The following KDM2A variants were observed in gnomAD, a reference collection of about 807,000 sequenced individuals.
KDM2A encodes lysine demethylase 2A.
KDM2A carries 3 observed loss-of-function variants against 137.3 expected under a neutral mutation model. That is an observed-to-expected ratio of 0.02 (90% confidence interval 0.01 to 0.06). The LOEUF is 0.06. Among genes scored for constraint, KDM2A ranks in the 10% least tolerant of loss-of-function variants. The pLI, the probability that KDM2A is intolerant of heterozygous loss-of-function variation, is 1.00. For missense variants in KDM2A, 738 were observed against 1,510.6 expected (o/e 0.49, Z 8.48); for synonymous variants, 512 against 541.5 (o/e 0.95, Z 0.76).
At chr11:67,191,806 A>G (rs193006154) in intron 5 of KDM2A, among the ~76,000 whole-genome samples, 2 of 152,332 alleles carry the variant, frequency 1.3e-5, no homozygotes, top group East Asian at 3.9e-4. Context: ...TACTGCCTCT[A>G]TTCAATGTAG....
Position 67,245,915 on chromosome 11 carries a change from A to T in KDM2A, c.1834-70A>T. ...TATAGGACCCAAATCTCCCATCTTC[A>T]GTTTAAGGGAAACTGAAATGATAAA... On this transcript the variant is annotated intron_variant, in intron 14 of 20. Coordinates refer to ENST00000529006, the MANE Select transcript of KDM2A (RefSeq NM_012308.3). The surrounding 1 kb of genome is among the most constrained non-coding windows in gnomAD (Gnocchi z 4.1). 6.4e-7 allele frequency: 1 copy of T among 1,566,042 alleles called. No individual in the cohort carries two copies. The highest frequency in any genetic ancestry group is 8.7e-7 in the Non-Finnish European group (1 of 1,144,322).
intron 2 of KDM2A, among the ~76,000 whole-genome samples, chr11:67,151,816 C>G (rs1015414130): frequency 1.3e-5 from 2 of 151,988 alleles, no homozygotes; most frequent in Non-Finnish European, 2.9e-5. Flanking sequence ...CTTTATCTAG[C>G]TTACTATAGC....
chr11:67,240,001 G>T (rs1207397248), intron 12 of KDM2A: 11 of 1,264,040 alleles, frequency 8.7e-6, no homozygotes, highest in Non-Finnish European at 1.0e-5. Flanking sequence ...TGGGCCCTCT[G>T]CCTGGCTCGC....
intron 2 of KDM2A, among the ~76,000 whole-genome samples, chr11:67,168,562 A>T (rs1856800087): frequency 1.6e-5 from 1 of 64,210 alleles, no homozygotes. Context: ...ACACACACAC[A>T]CACAGTCTTG....
intron 11 of KDM2A, 38 bp downstream of exon 11, chr11:67,228,201 T>C (rs1338662395): frequency 6.2e-7 from 1 of 1,604,774 alleles, no homozygotes; most frequent in Non-Finnish European, 8.5e-7. Flanking sequence ...AAGACACCGC[T>C]TAGGTCTGAG....
intron 2 of KDM2A, among the ~76,000 whole-genome samples, chr11:67,169,733 TTC>T (rs71056181): frequency 0.11 from 9,930 of 92,376 alleles, 1,214 homozygotes; most frequent in African/African-American, 0.24. Context: ...CTCTCTCTCC[TTC>T]TCTCTCTCTC....
chr11:67,174,761 T>C (rs1026682048), intron 2 of KDM2A, among the ~76,000 whole-genome samples: 1 of 152,250 alleles, frequency 6.6e-6, no homozygotes, highest in African/African-American at 2.4e-5. Context: ...TTTTGCTATA[T>C]TATTTGGTCA....
rs371767777 is a variant in KDM2A, at chr11:67,147,689, T to TG, written c.42+26331_42+26332insG. On this transcript the variant is annotated intron_variant, in intron 2 of 20. Coordinates refer to ENST00000529006, the MANE Select transcript of KDM2A (RefSeq NM_012308.3). The stretch of plus-strand genomic sequence containing the variant: ...GTTCCCTTTCATTAGAGATTCTTTT[T>TG]TTTTTTGAGATGGAGTCTTGCAGTG... 8.2e-3 allele frequency among the ~76,000 whole-genome samples: 1,242 copies of TG among 151,832 alleles called. 22 individuals are homozygous for TG. The highest frequency in any genetic ancestry group is 0.028 in the African/African-American group (1,153 of 41,358).
intron 2 of KDM2A, among the ~76,000 whole-genome samples, chr11:67,146,456 T>C (rs1259437373): frequency 6.6e-6 from 1 of 152,120 alleles, no homozygotes; most frequent in Admixed American, 6.6e-5. Flanking sequence ...ATTTAATGAA[T>C]TCAGTTGAAT....
chr11:67,185,897 C>T (rs1334362234), intron 5 of KDM2A, among the ~76,000 whole-genome samples: 2 of 151,788 alleles, frequency 1.3e-5, no homozygotes, highest in African/African-American at 2.4e-5. Context: ...TTAGACTTCC[C>T]AGCCTCCAGA....
intron 2 of KDM2A, among the ~76,000 whole-genome samples, chr11:67,136,301 A>G (rs941675451): frequency 1.7e-4 from 26 of 152,180 alleles, no homozygotes; most frequent in African/African-American, 6.3e-4. Context: ...TAAGGGACAG[A>G]GCCAGGATTC....
intron 5 of KDM2A, among the ~76,000 whole-genome samples, chr11:67,205,560 C>T (rs148758533): frequency 8.6e-5 from 13 of 151,954 alleles, no homozygotes; most frequent in African/African-American, 2.4e-4. Flanking sequence ...CCCGAGTAGC[C>T]GGGATTACGG....
At chr11:67,149,776 G>A (rs904603101) in intron 2 of KDM2A, among the ~76,000 whole-genome samples, 4 of 149,396 alleles carry the variant, frequency 2.7e-5, no homozygotes, top group African/African-American at 7.4e-5. Flanking sequence ...GCTGGAGTGC[G>A]ATGATACGAT....
chr11:67,247,091 T>TTTTA (rs1859270849), intron 15 of KDM2A, among the ~76,000 whole-genome samples: 1 of 103,034 alleles, frequency 9.7e-6, no homozygotes, highest in Admixed American at 1.0e-4. Context: ...TTTTTTTTTT[T>TTTTA]TTTTTTTTTT....
intron 2 of KDM2A, among the ~76,000 whole-genome samples, chr11:67,126,707 C>CAAAA (rs765065960): frequency 6.6e-5 from 5 of 75,302 alleles, no homozygotes; most frequent in East Asian, 4.3e-4. Context: ...GACTCCATTT[C>CAAAA]AAAAAAAAAA....
intron 2 of KDM2A, among the ~76,000 whole-genome samples, chr11:67,138,736 G>A (rs532048141): frequency 1.9e-4 from 29 of 152,286 alleles, no homozygotes; most frequent in African/African-American, 6.3e-4. Flanking sequence ...AGCCAAGATT[G>A]TGCCACTACA....
In KDM2A at chr11:67,253,441, C is replaced by T. The variant is rs1469973922; in HGVS notation, c.2933-12C>T. On this transcript the variant is annotated splice_polypyrimidine_tract_variant and intron_variant, in intron 18 of 20. Transcript: ENST00000529006. ...CAGTGTATTATTACATGTCTCATTC[C>T]ATCCATTGCAGGACTGAAAGACCTC... The T allele has an allele frequency of 1.2e-6, 2 of 1,610,862 alleles. No homozygotes were observed. The highest frequency in any genetic ancestry group is 1.1e-5 in the South Asian group (1 of 90,966).
intron 5 of KDM2A, among the ~76,000 whole-genome samples, chr11:67,183,435 CAGAG>C (rs1857132582): frequency 2.6e-5 from 4 of 152,188 alleles, no homozygotes; most frequent in South Asian, 2.1e-4. Flanking sequence ...TATAGACTCT[CAGAG>C]AGGATTGTAG....
At chr11:67,156,068 G>C (rs1274618223) in intron 2 of KDM2A, among the ~76,000 whole-genome samples, 1 of 148,316 alleles carries the variant, frequency 6.7e-6, no homozygotes, top group Non-Finnish European at 1.5e-5. Context: ...TGACCAATGT[G>C]GAGAAACCCC....
Sources: allele counts gnomAD v4.1 joint callset (sites outside exome capture counted in the v4.1 genomes callset), GRCh38; gene constraint gnomAD v4.1.1; non-coding constraint Gnocchi (gnomAD v3.1); transcripts MANE v1.5; gene names NCBI Gene and HGNC (gene_info 2026-07-23, HGNC 2026-07-21).